DNAH5: variants seen among roughly 807,000 people sequenced by gnomAD.
The protein encoded by DNAH5 is dynein axonemal heavy chain 5, also known as axonemal beta dynein heavy chain 5.
Under a neutral mutation model 518.2 loss-of-function variants are expected in DNAH5, and 372 were observed. The ratio of observed to expected loss-of-function variants is 0.72; its 90% CI spans 0.66 to 0.78. The LOEUF (loss-of-function observed/expected upper bound fraction) is 0.78, where lower values mean the gene tolerates loss of function less well. Ranked by LOEUF, DNAH5 falls within the 30% of genes least tolerant of loss-of-function variation. DNAH5 has a pLI of 0.00. For missense variants in DNAH5, 5,523 were observed against 5,687.0 expected (o/e 0.97, Z 0.93); for synonymous variants, 2,039 against 2,025.9 (o/e 1.01, Z -0.17).
chr5:13,914,439 T>G, intron 10 of DNAH5, 81 bp downstream of exon 10: 2 of 1,465,248 alleles, frequency 1.4e-6, no homozygotes, highest in East Asian at 2.3e-5. Flanking sequence ...AATGATATAA[T>G]AATTACAAAA....
At chr5:13,796,804 T>C (rs977099918) in intron 47 of DNAH5, among the ~76,000 whole-genome samples, 2 of 152,100 alleles carry the variant, frequency 1.3e-5, no homozygotes, top group Admixed American at 6.5e-5. Flanking sequence ...CAAACTATAC[T>C]ACAAGGCTAC....
At position 13,812,318 on chromosome 5, in the gene DNAH5, T is replaced by G. The variant is rs183223512; in HGVS notation, c.7231-495A>C. On this transcript the variant is annotated intron_variant, in intron 43 of 78. Transcript: ENST00000265104. ...AATCCATACCCAGGTTTTTTTTTCT[T>G]TTTTTGAGACAGGATCTTACTCTGT... 2.6e-3 allele frequency among the ~76,000 whole-genome samples: 389 copies of G among 152,308 alleles called. 2 individuals carry two copies. The highest frequency in any genetic ancestry group is 4.2e-3 in the Non-Finnish European group (283 of 68,020).
intron 65 of DNAH5, among the ~76,000 whole-genome samples, chr5:13,749,683 A>T (rs1467576455): frequency 6.6e-6 from 1 of 152,194 alleles, no homozygotes; most frequent in Admixed American, 6.6e-5. Flanking sequence ...CATGAAGCCA[A>T]GGCTACAGGT....
At chr5:13,763,632 C>T (rs1016097298) in intron 59 of DNAH5, among the ~76,000 whole-genome samples, 5 of 152,204 alleles carry the variant, frequency 3.3e-5, no homozygotes, top group Middle Eastern at 3.4e-3. Flanking sequence ...GTTTTCCAAG[C>T]GGAAAGAAAT....
At chr5:13,942,289 A>G (rs1779532189) in intron 1 of DNAH5, among the ~76,000 whole-genome samples, 1 of 152,140 alleles carries the variant, frequency 6.6e-6, no homozygotes, top group Non-Finnish European at 1.5e-5. Context: ...ATAACATAGC[A>G]TCATTGCAAT....
chr5:13,771,095 G>T, intron 55 of DNAH5, 115 bp from the exon 56 acceptor site: 1 of 910,808 alleles, frequency 1.1e-6, no homozygotes, highest in Non-Finnish European at 1.7e-6. Flanking sequence ...CATTTTTGTA[G>T]CCCCAGCTAG....
chr5:13,718,377 T>TG (rs377127164), intron 72 of DNAH5, among the ~76,000 whole-genome samples: 1 of 152,248 alleles, frequency 6.6e-6, no homozygotes, highest in Non-Finnish European at 1.5e-5. Flanking sequence ...GCCCCATACA[T>TG]AAAGCTATGA....
At chr5:13,883,131 T>C (rs778098829) in intron 19 of DNAH5, 37 bp from the exon 20 acceptor site, 2 of 1,602,558 alleles carry the variant, frequency 1.2e-6, no homozygotes, top group Non-Finnish European at 1.7e-6. Flanking sequence ...TTCACATTTT[T>C]AATACAAAAT....
At chr5:14,009,009 A>T (rs1161673082) in intron 1 of DNAH5, among the ~76,000 whole-genome samples, 5 of 152,232 alleles carry the variant, frequency 3.3e-5, no homozygotes, top group Admixed American at 3.3e-4. Context: ...TCCTGGCAGG[A>T]CTGTAACTCA....
At position 13,913,753 on chromosome 5, in the gene DNAH5, G is replaced by A. The variant is rs764553623; in HGVS notation, c.1526C>T (p.Thr509Ile). 1.4e-5 allele frequency: 22 copies of A among 1,613,334 alleles called. No individual in the cohort carries two copies. Among genetic ancestry groups the A allele is most frequent in the Non-Finnish European group, 1.8e-5 (21 of 1,179,470 alleles). Reference sequence around the variant, plus strand: ...TTTAAAGTACAATACCTGGTATTTAGTGGCCATGTCTTCCAGCCCTTCAAT... The same window carrying A: ...TTTAAAGTACAATACCTGGTATTTAATGGCCATGTCTTCCAGCCCTTCAAT... ...STIEGLEDMA[T>I]KYQGIVATIK... Residue 509 changes from threonine to isoleucine, a missense_variant, in exon 11 of 79, where the codon ACT (threonine) becomes ATT (isoleucine). Around this residue, in one of 3 missense-constraint regions of DNAH5, gnomAD observed 5,121 missense variants for 5,223.3 expected, o/e 0.98. Transcript: ENST00000265104.
intron 1 of DNAH5, among the ~76,000 whole-genome samples, chr5:13,932,732 GC>G (rs1161153768): frequency 1.3e-5 from 2 of 152,196 alleles, no homozygotes; most frequent in Non-Finnish European, 2.9e-5. Context: ...TGTGATGCAT[GC>G]CCAGAGGCAG....
At chr5:13,902,232 T>C in intron 12 of DNAH5, 94 bp from the exon 13 acceptor site, 1 of 881,606 alleles carries the variant, frequency 1.1e-6, no homozygotes, top group Non-Finnish European at 1.8e-6. Context: ...TGCAAACACA[T>C]ATAACATGGA....
intron 6 of DNAH5, 186 bp from the exon 7 acceptor site, chr5:13,919,538 A>G: frequency 1.6e-6 from 1 of 613,250 alleles, no homozygotes; most frequent in Non-Finnish European, 2.7e-6. Flanking sequence ...TTCAACGAAA[A>G]TCTCTTTGAA....
At chr5:13,786,133 A>C in intron 52 of DNAH5, 46 bp downstream of exon 52, 1 of 1,601,050 alleles carries the variant, frequency 6.2e-7, no homozygotes, top group Non-Finnish European at 8.6e-7. Context: ...TGTGAAGCCA[A>C]ATGTCTGTCA....
intron 19 of DNAH5, among the ~76,000 whole-genome samples, chr5:13,884,461 G>A (rs945529743): frequency 1.3e-5 from 2 of 152,196 alleles, no homozygotes; most frequent in African/African-American, 4.8e-5. Flanking sequence ...TTTAACATGA[G>A]AGTAGTAATA....
intron 1 of DNAH5, among the ~76,000 whole-genome samples, chr5:14,005,681 GT>G (rs1359810921): frequency 6.6e-6 from 1 of 152,188 alleles, no homozygotes; most frequent in Non-Finnish European, 1.5e-5. Context: ...AAAATATGGT[GT>G]TTTATTTTTC....
chr5:13,796,237 T>C (rs552299792), intron 47 of DNAH5, among the ~76,000 whole-genome samples: 25 of 152,270 alleles, frequency 1.6e-4, no homozygotes, highest in African/African-American at 5.8e-4. Context: ...GGGTATTCGA[T>C]TAGGAAATGA....
intron 20 of DNAH5, 28 bp from the exon 21 acceptor site, chr5:13,882,843 T>C (rs754343880): frequency 4.3e-6 from 7 of 1,613,856 alleles, no homozygotes. Context: ...ATTTTTCAGT[T>C]CTGTCCTATC....
intron 26 of DNAH5, 83 bp from the exon 27 acceptor site, chr5:13,865,989 G>T: frequency 9.2e-7 from 1 of 1,086,686 alleles, no homozygotes; most frequent in Non-Finnish European, 1.4e-6. Context: ...TTGCAAACAA[G>T]CAAGCCAGAG....
Sources: allele counts gnomAD v4.1 joint callset (sites outside exome capture counted in the v4.1 genomes callset), GRCh38; gene constraint gnomAD v4.1.1; regional missense constraint gnomAD v4.1.1; transcripts MANE v1.5; gene names NCBI Gene and HGNC (gene_info 2026-07-23, HGNC 2026-07-21).